Variants in PDCD11 observed in about 807,000 individuals in gnomAD.
The protein encoded by PDCD11 is programmed cell death 11, also known as protein RRP5 homolog.
In PDCD11, 97 loss-of-function variants were observed where a neutral mutation model predicts 198.9. The ratio of observed to expected loss-of-function variants is 0.49; its 90% CI spans 0.41 to 0.58. PDCD11 has a LOEUF of 0.58. Ranked by LOEUF, PDCD11 falls within the 20% of genes least tolerant of loss-of-function variation. The probability of loss-of-function intolerance (pLI) is 0.00; values close to 1 mark genes in which losing one functional copy is unlikely to be tolerated. For missense variants in PDCD11, 2,102 were observed against 2,312.7 expected, an observed-to-expected ratio of 0.91 and a Z score of 1.87; for synonymous variants, 893 against 918.0, an observed-to-expected ratio of 0.97 and a Z score of 0.49.
In PDCD11 at chr10:103,441,885, G is replaced by C; in HGVS notation, c.4617G>C (p.Trp1539Cys). Residue 1539 changes from tryptophan (W) to cysteine (C), a missense_variant, in exon 31 of 36, where the codon TGG (tryptophan) becomes TGC (cysteine). Transcript: ENST00000369797. ...PRLQLSSGFAWNVGLDSLTPA... is the reference protein window; with the variant it reads ...PRLQLSSGFACNVGLDSLTPA... ...TGCAGCTGTCTTCAGGCTTCGCTTG[G>C]AATGTGGGACTAGACTCTCTGACCC... is the stretch of plus-strand genomic sequence containing the variant. 6.2e-7 allele frequency: 1 copy of C among 1,614,188 alleles called. No individual in the cohort carries two copies. Among genetic ancestry groups the C allele is most frequent in the Non-Finnish European group, 8.5e-7 (1 of 1,180,022 alleles).
chr10:103,418,335 G>C, intron 14 of PDCD11, 105 bp from the exon 15 acceptor site: 1 of 897,060 alleles, frequency 1.1e-6, no homozygotes, highest in Non-Finnish European at 1.8e-6. Flanking sequence ...GCCTCTTAGA[G>C]ATCCTTGGTG....
At chr10:103,432,326 G>C (rs771491085) in intron 22 of PDCD11, 92 bp downstream of exon 22, 4 of 888,674 alleles carry the variant, frequency 4.5e-6, no homozygotes, top group Non-Finnish European at 7.4e-6. Context: ...GCAGAGAAAG[G>C]CATTTGAGTC....
intron 21 of PDCD11, among the ~76,000 whole-genome samples, chr10:103,428,619 T>G (rs1158091925): frequency 6.6e-6 from 1 of 152,226 alleles, no homozygotes; most frequent in Admixed American, 6.5e-5. Context: ...TTAAGTAGTT[T>G]ATTCAAACTA....
intron 4 of PDCD11, 144 bp downstream of exon 4, chr10:103,403,429 G>A: frequency 1.4e-6 from 1 of 708,950 alleles, no homozygotes; most frequent in South Asian, 1.9e-5. Context: ...CTAAGTCTGG[G>A]AGCCTGGAAG....
At chr10:103,432,983 G>C (rs992816271) in intron 22 of PDCD11, among the ~76,000 whole-genome samples, 4 of 152,240 alleles carry the variant, frequency 2.6e-5, no homozygotes, top group Non-Finnish European at 5.9e-5. Flanking sequence ...TGCCCATCAA[G>C]GTTCAGCACA....
At chr10:103,398,919 C>T (rs1008881819) in intron 2 of PDCD11, among the ~76,000 whole-genome samples, 3 of 152,138 alleles carry the variant, frequency 2.0e-5, no homozygotes, top group African/African-American at 7.2e-5. Context: ...GAGGCTGAGG[C>T]ATGAGAATTG....
rs755098270 is a variant in PDCD11, at chr10:103,432,126, C to T, written c.3369-3C>T. ...ACTGTTTACATTTCCTTTCTGCAAA[C>T]AGTGAGCTGGAGGATGGCCACACTG... On this transcript the variant is annotated splice_polypyrimidine_tract_variant and splice_region_variant and intron_variant, in intron 21 of 35. Transcript: ENST00000369797. The T allele has an allele frequency of 6.2e-7, 1 of 1,607,920 alleles. No homozygotes were observed. Among genetic ancestry groups the T allele is most frequent in the South Asian group, 1.1e-5 (1 of 90,952 alleles).
chr10:103,398,559 C>A (rs1476380731), intron 2 of PDCD11, 31 bp downstream of exon 2: 18 of 1,393,398 alleles, frequency 1.3e-5, no homozygotes, highest in Non-Finnish European at 1.8e-5. Flanking sequence ...GTGACACTCA[C>A]TGGAAACTTT....
chr10:103,428,493 C>T (rs1191110117), intron 21 of PDCD11, among the ~76,000 whole-genome samples: 1 of 152,088 alleles, frequency 6.6e-6, no homozygotes, highest in Non-Finnish European at 1.5e-5. Context: ...TATTTATCCT[C>T]CAGTCTTTGT....
At chr10:103,443,449 C>A in intron 33 of PDCD11, 116 bp downstream of exon 33, 1 of 759,152 alleles carries the variant, frequency 1.3e-6, no homozygotes, top group Non-Finnish European at 2.0e-6. Flanking sequence ...ACATCGGGGC[C>A]CCAACTTCCC....
rs867952311 is a variant in PDCD11 at position 103,400,233 on chromosome 10, T to G, written c.103-164T>G. On this transcript the variant is annotated intron_variant, in intron 2 of 35. Coordinates refer to ENST00000369797, the MANE Select transcript of PDCD11 (RefSeq NM_014976.2). ...ACATTGGCGGCCCCCCCCCTTTTTT[T>G]TTTTTTTTTAAGCAAGAATTAAAGG... Among the ~76,000 whole-genome samples, 3 of 150,118 alleles carry G rather than the reference T, an allele frequency of 2.0e-5. No homozygotes were observed. The South Asian group carries it at 6.7e-4, about 34-fold the overall frequency.
intron 27 of PDCD11, 30 bp downstream of exon 27, chr10:103,438,838 C>G (rs779709788): frequency 9.9e-6 from 16 of 1,612,136 alleles, no homozygotes; most frequent in Middle Eastern, 1.9e-4. Context: ...CACCCGGACC[C>G]AAGTGCCTTC....
At chr10:103,420,932 G>A (rs1327893071) in intron 16 of PDCD11, among the ~76,000 whole-genome samples, 5 of 151,638 alleles carry the variant, frequency 3.3e-5, no homozygotes, top group Non-Finnish European at 7.4e-5. Context: ...CTGGAGTGCA[G>A]TGGCGCAATC....
At chr10:103,427,873 G>A (rs936566783) in intron 21 of PDCD11, among the ~76,000 whole-genome samples, 1 of 152,158 alleles carries the variant, frequency 6.6e-6, no homozygotes, top group Non-Finnish European at 1.5e-5. Flanking sequence ...AAAGAACCCA[G>A]CCTCTCAGAT....
chr10:103,416,440 TG>T (rs756365816), intron 12 of PDCD11, 50 bp from the exon 13 acceptor site: 6 of 1,595,464 alleles, frequency 3.8e-6, no homozygotes, highest in Non-Finnish European at 5.1e-6. Context: ...ACCAGCTCAG[TG>T]GCTCTCATGA....
rs1262032562 is a variant in PDCD11, at chr10:103,398,549, G to T, written c.102+21G>T. The T allele has an allele frequency of 2.7e-6, 4 of 1,477,232 alleles. No homozygotes were observed. The African/African-American group carries it at 5.5e-5, about 20-fold the overall frequency. 91.5% of individuals were successfully genotyped at this position (1,477,232 alleles called of 1,614,324 possible). A position where few individuals can be genotyped will look rare whatever the true frequency, so the allele number is the denominator to read the frequency against. On this transcript the variant is annotated intron_variant, in intron 2 of 35. Transcript: ENST00000369797. ...TTGATGTAAGTAGTATGCTTGTTTG[G>T]TGACACTCACTGGAAACTTTTACTG...
chr10:103,415,745 A>G, intron 12 of PDCD11, among the ~76,000 whole-genome samples: 1 of 152,180 alleles, frequency 6.6e-6, no homozygotes, highest in East Asian at 1.9e-4. Context: ...GATAGGTAGG[A>G]TTTGGAAGGT....
At position 103,442,249 on chromosome 10, in the gene PDCD11, C is replaced by T. The variant is rs1204558775; in HGVS notation, c.4744C>T (p.Gln1582Ter). The change falls in exon 32 of 36, where the codon CAG (glutamine) becomes TAG (stop). Residue 1582 changes from glutamine (Q) to a stop codon, truncating the protein, a stop_gained. Coordinates refer to ENST00000369797, the MANE Select transcript of PDCD11 (RefSeq NM_014976.2). LOFTEE classifies it high-confidence loss of function. ...KSKKERELEK[Q>*]KAEKELSRIE... ...CAAGAAAGAAAGGGAGTTGGAGAAG[C>T]AGAAGGCAGAGAAGGAACTGTCCCG... 6.2e-7 allele frequency: 1 copy of T among 1,614,176 alleles called. No homozygotes were observed. Among genetic ancestry groups the T allele is most frequent in the African/African-American group, 1.3e-5 (1 of 75,040 alleles).
At chr10:103,431,603 A>G (rs1343879875) in intron 21 of PDCD11, among the ~76,000 whole-genome samples, 1 of 150,686 alleles carries the variant, frequency 6.6e-6, no homozygotes, top group Non-Finnish European at 1.5e-5. Context: ...AAAAAAAGAA[A>G]AAAAAATTAC....
Sources: allele counts gnomAD v4.1 joint callset (sites outside exome capture counted in the v4.1 genomes callset), GRCh38; gene constraint gnomAD v4.1.1; transcripts MANE v1.5; gene names NCBI Gene and HGNC (gene_info 2026-07-23, HGNC 2026-07-21).